ASB7: variants seen among roughly 807,000 people sequenced by gnomAD.
ASB7 encodes the protein ankyrin repeat and SOCS box protein 7.
A neutral mutation model predicts 32.5 loss-of-function variants in ASB7; 4 were observed. That is an observed-to-expected ratio of 0.12 (90% CI 0.06 to 0.28). The LOEUF (loss-of-function observed/expected upper bound fraction) is 0.28, where lower values mean the gene tolerates loss of function less well. Among genes scored for constraint, ASB7 ranks in the 10% least tolerant of loss-of-function variants. ASB7 has a pLI of 1.00. For missense variants in ASB7, 181 were observed against 407.1 expected (o/e 0.44, Z 4.78); for synonymous variants, 172 against 155.6 (o/e 1.11, Z -0.78).
At chr15:100,646,231 A>G (rs1052914650) in intron 5 of ASB7, 2 of 402,594 alleles carry the variant, frequency 5.0e-6, no homozygotes, top group African/African-American at 2.1e-5. Flanking sequence ...ACATCTGTTA[A>G]CAATATCCAT....
chr15:100,606,273 G>C (rs913592758), intron 2 of ASB7, among the ~76,000 whole-genome samples: 1 of 151,384 alleles, frequency 6.6e-6, no homozygotes, highest in Admixed American at 6.6e-5. Flanking sequence ...TGTTTACTTT[G>C]CAAAGAAATG....
chr15:100,617,044 T>A lies in ASB7; in HGVS notation c.211+4617T>A, dbSNP rs74400457. On this transcript the variant is annotated intron_variant, in intron 4 of 5. Transcript: ENST00000332783. ...GAAACCATCCTTGGTACCTTTTCCT[T>A]ACCTCTAATATGACTGATTGCTAAG... 3.5e-4 allele frequency among the ~76,000 whole-genome samples: 53 copies of A among 152,322 alleles called. No individual in the cohort carries two copies. In the East Asian group the frequency reaches 5.4e-3, roughly 16 times the overall value.
intron 5 of ASB7, chr15:100,646,430 A>T: frequency 2.3e-6 from 1 of 435,682 alleles, no homozygotes; most frequent in South Asian, 1.8e-5. Context: ...TCTTTTAAGG[A>T]GGTGTTCTCC....
chr15:100,606,891 A>C (rs1484688817), intron 2 of ASB7, among the ~76,000 whole-genome samples: 1 of 152,182 alleles, frequency 6.6e-6, no homozygotes, highest in Non-Finnish European at 1.5e-5. Context: ...GCGGTGGCTC[A>C]CACCTGTAAT....
intron 4 of ASB7, among the ~76,000 whole-genome samples, chr15:100,620,412 C>T (rs900496561): frequency 6.6e-6 from 1 of 152,206 alleles, no homozygotes; most frequent in African/African-American, 2.4e-5. Context: ...CCTGTGCATA[C>T]AAGTGGTACT....
Position 100,629,346 on chromosome 15 carries a change from A to T in ASB7, c.212-91A>T. ...AGTGTTTGGTTGCTTCACATTTTAT[A>T]TGAGAATTGGCCACAGTTTGCTGTG... is the stretch of plus-strand genomic sequence containing the variant. On this transcript the variant is annotated intron_variant, in intron 4 of 5. Coordinates refer to ENST00000332783, the MANE Select transcript of ASB7 (RefSeq NM_198243.3). This position sits in a 1 kb window ranked among gnomAD's most constrained non-coding sequence, Gnocchi z 6.8. The T allele has an allele frequency of 8.6e-7, 1 of 1,159,884 alleles. No homozygotes were observed. Among genetic ancestry groups the T allele is most frequent in the Non-Finnish European group, 1.2e-6 (1 of 808,438 alleles). The allele number at this position is 1,159,884 out of a possible 1,614,324, so 71.8% of individuals were successfully genotyped here. A position where few individuals can be genotyped will look rare whatever the true frequency, so the allele number is the denominator to read the frequency against.
chr15:100,632,466 C>T (rs530257931), intron 5 of ASB7, among the ~76,000 whole-genome samples: 1 of 152,328 alleles, frequency 6.6e-6, no homozygotes, highest in Non-Finnish European at 1.5e-5. Flanking sequence ...GTTTTCTTTT[C>T]CTGGTGAACA....
chr15:100,640,240 G>A lies in ASB7; in HGVS notation c.818-8083G>A, dbSNP rs541877345. 2.0e-5 allele frequency among the ~76,000 whole-genome samples: 3 copies of A among 152,176 alleles called. No individual in the cohort carries two copies. In the South Asian group the frequency reaches 6.2e-4, roughly 32 times the overall value. On this transcript the variant is annotated intron_variant, in intron 5 of 5. Coordinates refer to ENST00000332783, the MANE Select transcript of ASB7 (RefSeq NM_198243.3). Reference sequence around the variant, plus strand: ...GCTCACTGCAACCTCTGCCTACAAGGCTCACGCAATTCTCCTGCCTCAGCC... The same window carrying A: ...GCTCACTGCAACCTCTGCCTACAAGACTCACGCAATTCTCCTGCCTCAGCC...
chr15:100,633,697 G>A (rs1046021447), intron 5 of ASB7, among the ~76,000 whole-genome samples: 1 of 151,450 alleles, frequency 6.6e-6, no homozygotes, highest in Non-Finnish European at 1.5e-5. Flanking sequence ...GGGAAGGAAG[G>A]AGGAAGAAAA....
chr15:100,625,585 G>A (rs1438554630), intron 4 of ASB7, among the ~76,000 whole-genome samples: 5 of 152,122 alleles, frequency 3.3e-5, no homozygotes, highest in African/African-American at 1.2e-4. Context: ...CCATGTTTAT[G>A]GTTTGGAAGA....
rs535053400 is a variant in ASB7, at chr15:100,627,894, G to A, written c.212-1543G>A. 2.6e-5 allele frequency among the ~76,000 whole-genome samples: 4 copies of A among 152,276 alleles called. No individual in the cohort carries two copies. In the South Asian group the frequency reaches 8.3e-4, roughly 32 times the overall value. On this transcript the variant is annotated intron_variant, in intron 4 of 5. Transcript: ENST00000332783. ...TTTCACGCCTGACTTTGAACTTCTG[G>A]TAAGCGATGCACCTGGAACCGGCTT...
In ASB7 at chr15:100,629,322, GTGTT is replaced by G; in HGVS notation, c.212-112_212-109del. On this transcript the variant is annotated intron_variant, in intron 4 of 5. Transcript: ENST00000332783. This position sits in a 1 kb window ranked among gnomAD's most constrained non-coding sequence, Gnocchi z 6.8. ...AAAAACGTACTTGATATTCATTACA[GTGTT>G]TGGTTGCTTCACATTTTATATGAGA... 1 of 909,482 alleles carries G rather than the reference GTGTT, an allele frequency of 1.1e-6. No individual in the cohort carries two copies. Among genetic ancestry groups the G allele is most frequent in the Non-Finnish European group, 1.7e-6 (1 of 588,280 alleles). The allele number at this position is 909,482 out of a possible 1,614,324, so 56.3% of individuals were successfully genotyped here.
Position 100,648,412 on chromosome 15 carries a change from A to G in ASB7, c.907A>G (p.Ile303Val), listed in dbSNP as rs750239887. The G allele has an allele frequency of 9.3e-6, 15 of 1,609,888 alleles. No individual in the cohort carries two copies. Among genetic ancestry groups the G allele is most frequent in the African/African-American group, 1.3e-5 (1 of 74,946 alleles). The change falls in exon 6 of 6, where the codon ATT (isoleucine) becomes GTT (valine). Residue 303 changes from isoleucine to valine, a missense_variant. By Grantham distance (29) the Ile-to-Val change is conservative. Transcript: ENST00000332783. Reference sequence around the variant, plus strand: ...CCTAAAGCTACTTGATGAACTACCAATTGCCAAGGTCATGAAAGACTACTT... The same window carrying G: ...CCTAAAGCTACTTGATGAACTACCAGTTGCCAAGGTCATGAAAGACTACTT... Reference protein sequence around the residue: ...QNLKLLDELPIAKVMKDYLKH... With the variant: ...QNLKLLDELPVAKVMKDYLKH...
intron 5 of ASB7, among the ~76,000 whole-genome samples, chr15:100,640,157 T>G (rs780413749): frequency 6.6e-6 from 1 of 152,154 alleles, no homozygotes; most frequent in African/African-American, 2.4e-5. Context: ...TCTTTTTTGT[T>G]TTTTTTGAGA....
At chr15:100,637,897 C>T (rs914646872) in intron 5 of ASB7, among the ~76,000 whole-genome samples, 2 of 151,418 alleles carry the variant, frequency 1.3e-5, no homozygotes, top group African/African-American at 4.8e-5. Flanking sequence ...AAGGGATTTA[C>T]AGAAAACTGT....
intron 4 of ASB7, among the ~76,000 whole-genome samples, chr15:100,614,465 A>G (rs1013163306): frequency 2.6e-5 from 4 of 152,200 alleles, no homozygotes; most frequent in African/African-American, 9.7e-5. Flanking sequence ...GATAGTAAAC[A>G]TGAGAGGCTT....
chr15:100,605,113 G>A (rs970462184), intron 2 of ASB7, among the ~76,000 whole-genome samples: 4 of 152,168 alleles, frequency 2.6e-5, no homozygotes, highest in African/African-American at 4.8e-5. Context: ...TGCTTAAATC[G>A]TATTTCATGG....
intron 4 of ASB7, among the ~76,000 whole-genome samples, chr15:100,624,219 A>G (rs1463269705): frequency 6.6e-6 from 1 of 152,170 alleles, no homozygotes; most frequent in Non-Finnish European, 1.5e-5. Context: ...TAGAAGAAAG[A>G]AGTTCTGACG....
intron 5 of ASB7, among the ~76,000 whole-genome samples, chr15:100,636,589 A>G (rs1001024193): frequency 6.6e-6 from 1 of 152,058 alleles, no homozygotes; most frequent in Non-Finnish European, 1.5e-5. Flanking sequence ...CTTTGACAAG[A>G]TGTTTAACAC....
Sources: gnomAD v4.1 joint callset for allele counts (sites outside exome capture counted in the v4.1 genomes callset) on GRCh38, gnomAD v4.1.1 for gene constraint, Gnocchi (gnomAD v3.1) non-coding constraint, MANE v1.5 for transcripts, NCBI Gene and HGNC (gene_info 2026-07-23, HGNC 2026-07-21) for gene names.